The following CYB5B variants were observed in gnomAD, a reference collection of about 807,000 sequenced individuals.
CYB5B encodes cytochrome b5 type B, also known as cytochrome b5 type B (outer mitochondrial membrane).
In CYB5B, 14 loss-of-function variants were observed where a neutral mutation model predicts 21.3. The observed-to-expected ratio is 0.66, with a 90% CI of 0.43 to 1.03. CYB5B has a LOEUF of 1.03. CYB5B is among the 50% of genes least tolerant of loss of function. The pLI, the probability that CYB5B is intolerant of heterozygous loss-of-function variation, is 0.00. For synonymous variants in CYB5B, 69 were observed against 68.4 expected (o/e 1.01, Z -0.04); for missense variants, 166 against 185.1 (o/e 0.90, Z 0.60).
chr16:69,428,625 C>T (rs2014673145), intron 1 of CYB5B, among the ~76,000 whole-genome samples: 1 of 151,584 alleles, frequency 6.6e-6, no homozygotes, highest in African/African-American at 2.4e-5. Flanking sequence ...CACTGAACTC[C>T]AGTCTGGTGA....
Position 69,464,965 on chromosome 16 carries a change from G to C in CYB5B, c.*2445G>C, listed in dbSNP as rs2015073655. The C allele has an allele frequency of 6.6e-6, 1 of 152,630 alleles. No homozygotes were observed. Among genetic ancestry groups the C allele is most frequent in the Admixed American group, 6.5e-5 (1 of 15,288 alleles). 9.5% of individuals were successfully genotyped at this position (152,630 alleles called of 1,614,324 possible). A position where few individuals can be genotyped will look rare whatever the true frequency, so the allele number is the denominator to read the frequency against. Reference sequence around the variant, plus strand: ...AACAGCCAGGTGAAAGCTAAATCTTGTGTGAGAGTTTGCAGAGGTTTTTCT... The same window carrying C: ...AACAGCCAGGTGAAAGCTAAATCTTCTGTGAGAGTTTGCAGAGGTTTTTCT... On this transcript the variant is annotated 3_prime_UTR_variant, in exon 5 of 5. Transcript: ENST00000307892.
intron 3 of CYB5B, among the ~76,000 whole-genome samples, chr16:69,458,637 A>C (rs2015003935): frequency 6.6e-6 from 1 of 152,200 alleles, no homozygotes; most frequent in African/African-American, 2.4e-5. Context: ...ATCTACAAGC[A>C]ATCATCTGTA....
intron 1 of CYB5B, among the ~76,000 whole-genome samples, chr16:69,441,291 CT>C (rs1320125678): frequency 2.0e-5 from 3 of 151,784 alleles, no homozygotes; most frequent in Non-Finnish European, 2.9e-5. Context: ...GTAGCTGGGA[CT>C]TACAGGCACA....
At chr16:69,447,965 G>A in intron 2 of CYB5B, 150 bp from the exon 3 acceptor site, 2 of 745,554 alleles carry the variant, frequency 2.7e-6, no homozygotes, top group Non-Finnish European at 4.4e-6. Context: ...TATGCTCAGA[G>A]TAGAGGTATC....
At position 69,464,513 on chromosome 16, in the gene CYB5B, A is replaced by G. The variant is rs1597289544; in HGVS notation, c.*1993A>G. ...CGTGATTATTGGAGTACATTGGGGT[A>G]AAAGTAAAGAACAGAGGAGTATTGA... On this transcript the variant is annotated 3_prime_UTR_variant, in exon 5 of 5. Coordinates refer to ENST00000307892, the MANE Select transcript of CYB5B (RefSeq NM_030579.3). The G allele has an allele frequency of 6.6e-6, 1 of 152,374 alleles. No homozygotes were observed. Among genetic ancestry groups the G allele is most frequent in the South Asian group, 2.1e-4 (1 of 4,830 alleles). The allele number at this position is 152,374 out of a possible 1,614,324, so 9.4% of individuals were successfully genotyped here.
At chr16:69,427,116 A>G (rs975260045) in intron 1 of CYB5B, among the ~76,000 whole-genome samples, 1 of 152,098 alleles carries the variant, frequency 6.6e-6, no homozygotes, top group Non-Finnish European at 1.5e-5. Context: ...GGCACCTGTG[A>G]TCTCAGCTAC....
intron 1 of CYB5B, among the ~76,000 whole-genome samples, chr16:69,429,582 A>G (rs916329529): frequency 2.6e-5 from 4 of 152,208 alleles, no homozygotes; most frequent in Admixed American, 2.0e-4. Context: ...ACAAGGGCAG[A>G]ATTGAGGAGA....
At chr16:69,453,201 CAT>C (rs903311616) in intron 3 of CYB5B, among the ~76,000 whole-genome samples, 2 of 151,932 alleles carry the variant, frequency 1.3e-5, no homozygotes, top group African/African-American at 4.8e-5. Context: ...GTAAATTTTA[CAT>C]GTTAGAAGCA....
intron 3 of CYB5B, chr16:69,448,715 A>G (rs1393726530): frequency 6.6e-6 from 1 of 152,318 alleles, no homozygotes; most frequent in Non-Finnish European, 1.5e-5. Context: ...GCATACCAGG[A>G]AGAAAATATG....
At chr16:69,434,721 C>T (rs748676586) in intron 1 of CYB5B, among the ~76,000 whole-genome samples, 1 of 151,928 alleles carries the variant, frequency 6.6e-6, no homozygotes, top group Non-Finnish European at 1.5e-5. Context: ...AAGTTAGCCA[C>T]GTGTGGTGGC....
chr16:69,461,993 C>T (rs555352268), intron 4 of CYB5B, among the ~76,000 whole-genome samples: 3 of 152,164 alleles, frequency 2.0e-5, no homozygotes, highest in South Asian at 2.1e-4. Flanking sequence ...TGATTACTTC[C>T]AAATTTATAT....
At chr16:69,447,317 A>G in intron 2 of CYB5B, 39 bp downstream of exon 2, 1 of 1,601,066 alleles carries the variant, frequency 6.2e-7, no homozygotes, top group Middle Eastern at 1.7e-4. Context: ...ATGCAGAGAA[A>G]ACTACTTAAC....
rs575470404 is a variant in CYB5B at position 69,464,085 on chromosome 16, C to T, written c.*1565C>T. ...AGGCTGCTCAGCATCTCCTCCCTCC[C>T]TCCCAGCTTGCCAGGGATTTGATGA... is the stretch of plus-strand genomic sequence containing the variant. On this transcript the variant is annotated 3_prime_UTR_variant, in exon 5 of 5. Coordinates refer to ENST00000307892, the MANE Select transcript of CYB5B (RefSeq NM_030579.3). 1.5e-4 allele frequency: 23 copies of T among 152,348 alleles called. No individual in the cohort carries two copies. Among genetic ancestry groups the T allele is most frequent in the African/African-American group, 5.3e-4 (22 of 41,580 alleles). The allele number at this position is 152,348 out of a possible 1,614,324, so 9.4% of individuals were successfully genotyped here.
At chr16:69,433,129 T>A (rs968125971) in intron 1 of CYB5B, among the ~76,000 whole-genome samples, 13 of 152,272 alleles carry the variant, frequency 8.5e-5, no homozygotes, top group Admixed American at 2.0e-4. Context: ...TACCCTAGGA[T>A]CTGCCTCAAT....
At position 69,424,853 on chromosome 16, in the gene CYB5B, A is replaced by G. The variant is rs757045438; in HGVS notation, c.170A>G (p.Asn57Ser). 23 of 1,578,636 alleles carry G rather than the reference A, an allele frequency of 1.5e-5. No individual in the cohort carries two copies. Among genetic ancestry groups the G allele is most frequent in the Non-Finnish European group, 1.8e-5 (21 of 1,161,730 alleles). Residue 57 changes from asparagine to serine, a missense_variant, in exon 1 of 5, where the codon AAC becomes AGC. Asn to Ser is a conservative substitution (Grantham distance 46). Transcript: ENST00000307892. ...GTCTACGATGTCACCCGCTTCCTCA[A>G]CGAGGTGGGGCCTGGGAGGTGGGAG... ...GRVYDVTRFL[N>S]EHPGGEEVLL...
At chr16:69,462,401 A>G in intron 4 of CYB5B, 29 bp from the exon 5 acceptor site, 1 of 1,545,340 alleles carries the variant, frequency 6.5e-7, no homozygotes, top group Non-Finnish European at 8.9e-7. Context: ...AATATTAACA[A>G]CTTTATTGCT....
rs139397149 is a variant in CYB5B, at chr16:69,428,425, C to T, written c.174+3568C>T. Among the ~76,000 whole-genome samples, 709 of 152,098 alleles carry T rather than the reference C, an allele frequency of 4.7e-3. 4 individuals are homozygous for T. The highest frequency in any genetic ancestry group is 0.014 in the African/African-American group (594 of 41,496). ...CTGTAATCCCAGCACTTTGGGAGGC[C>T]GAGGCGGATGGATCATGAGGTCGGG... On this transcript the variant is annotated intron_variant, in intron 1 of 4. Coordinates refer to ENST00000307892, the MANE Select transcript of CYB5B (RefSeq NM_030579.3).
At chr16:69,444,693 C>T (rs1462618796) in intron 1 of CYB5B, among the ~76,000 whole-genome samples, 1 of 151,116 alleles carries the variant, frequency 6.6e-6, no homozygotes, top group Admixed American at 6.6e-5. Flanking sequence ...GGCTACAAAA[C>T]ATTATGTACT....
At chr16:69,454,191 G>A (rs2014961809) in intron 3 of CYB5B, among the ~76,000 whole-genome samples, 1 of 152,084 alleles carries the variant, frequency 6.6e-6, no homozygotes, top group African/African-American at 2.4e-5. Context: ...ATCACAATGA[G>A]TTCTTAAGAG....
Sources: allele counts gnomAD v4.1 joint callset (sites outside exome capture counted in the v4.1 genomes callset), GRCh38; gene constraint gnomAD v4.1.1; transcripts MANE v1.5; gene names NCBI Gene and HGNC (gene_info 2026-07-23, HGNC 2026-07-21).